ITPR2: variants seen among roughly 807,000 people sequenced by gnomAD.
ITPR2 encodes inositol 1,4,5-trisphosphate receptor type 2.
In ITPR2, 207 loss-of-function variants were observed where a neutral mutation model predicts 317.1. The observed-to-expected ratio is 0.65, with a 90% CI of 0.58 to 0.73. ITPR2 has a LOEUF of 0.73. Among genes scored for constraint, ITPR2 ranks in the 30% least tolerant of loss-of-function variants. The pLI is 0.00. For missense variants in ITPR2, 2,613 were observed against 3,284.0 expected (o/e 0.80, Z 4.99); for synonymous variants, 1,156 against 1,149.1 (o/e 1.01, Z -0.12).
chr12:26,490,768 G>A (rs562717044), intron 39 of ITPR2, among the ~76,000 whole-genome samples: 69 of 152,278 alleles, frequency 4.5e-4, no homozygotes, highest in Non-Finnish European at 8.7e-4. Context: ...AGCCGCTATC[G>A]CGCCATTGCA....
chr12:26,775,462 A>G (rs745438795), intron 2 of ITPR2, among the ~76,000 whole-genome samples: 9 of 152,202 alleles, frequency 5.9e-5, no homozygotes, highest in Non-Finnish European at 1.2e-4. Context: ...CAGAATCCAG[A>G]GATGCAAATG....
At chr12:26,575,138 G>A (rs985123522) in intron 34 of ITPR2, among the ~76,000 whole-genome samples, 6 of 148,698 alleles carry the variant, frequency 4.0e-5, no homozygotes, top group African/African-American at 1.0e-4. Context: ...ATGCTGAGGA[G>A]TGGCAATGGT....
chr12:26,815,287 G>A (rs1397983798), intron 1 of ITPR2, among the ~76,000 whole-genome samples: 4 of 152,062 alleles, frequency 2.6e-5, no homozygotes, highest in African/African-American at 9.7e-5. Flanking sequence ...AGCCAAGATT[G>A]TGCCACTGCA....
chr12:26,669,772 G>A (rs1277133562), intron 13 of ITPR2, among the ~76,000 whole-genome samples: 1 of 152,274 alleles, frequency 6.6e-6, no homozygotes, highest in Non-Finnish European at 1.5e-5. Flanking sequence ...AGCGCAAGGG[G>A]TCAGGGAGTT....
chr12:26,787,993 C>T (rs1300537441), intron 2 of ITPR2, among the ~76,000 whole-genome samples: 12 of 145,630 alleles, frequency 8.2e-5, no homozygotes, highest in East Asian at 2.0e-4. Context: ...GGCGCGATCT[C>T]GGCTCACTGC....
chr12:26,789,009 C>T (rs1381407710), intron 2 of ITPR2, among the ~76,000 whole-genome samples: 1 of 152,196 alleles, frequency 6.6e-6, no homozygotes, highest in Non-Finnish European at 1.5e-5. Context: ...TAGCTTCATT[C>T]TAAGTCCATC....
At chr12:26,564,875 T>G (rs1944907363) in intron 34 of ITPR2, among the ~76,000 whole-genome samples, 1 of 152,206 alleles carries the variant, frequency 6.6e-6, no homozygotes, top group Non-Finnish European at 1.5e-5. Context: ...AGCTACACAG[T>G]TATGCTAATT....
chr12:26,777,018 T>C (rs1263245018), intron 2 of ITPR2, among the ~76,000 whole-genome samples: 1 of 152,210 alleles, frequency 6.6e-6, no homozygotes, highest in East Asian at 1.9e-4. Flanking sequence ...TATGGAATAA[T>C]GGTGGAAGGA....
chr12:26,660,481 G>A (rs1232155317), intron 15 of ITPR2, among the ~76,000 whole-genome samples: 1 of 152,158 alleles, frequency 6.6e-6, no homozygotes, highest in African/African-American at 2.4e-5. Flanking sequence ...GATTCTCCCT[G>A]GAAATGTGTC....
Position 26,589,812 on chromosome 12 carries a change from ATAAATAAATAAATAAATAAAC to A in ITPR2, c.4380+5632_4380+5652del, listed in dbSNP as rs1565624181. ...AAAAAAAAAAATAAATAAATAAAAAATAAATAAATAAATAAATAAACATATATATATATATATATATACACA... is the reference window on the plus strand; with the variant it reads ...AAAAAAAAAAATAAATAAATAAAAAAATATATATATATATATATATACACA... On this transcript the variant is annotated intron_variant, in intron 32 of 56. Coordinates refer to ENST00000381340, the MANE Select transcript of ITPR2 (RefSeq NM_002223.4). Among the ~76,000 whole-genome samples, 418 of 46,252 alleles carry A rather than the reference ATAAATAAATAAATAAATAAAC, an allele frequency of 9.0e-3. 32 individuals are homozygous for A. Among genetic ancestry groups the A allele is most frequent in the Middle Eastern group, 0.026 (2 of 76 alleles). 30.3% of individuals were successfully genotyped at this position (46,252 alleles called of 152,430 possible). A position where few individuals can be genotyped will look rare whatever the true frequency, so the allele number is the denominator to read the frequency against.
rs1234527841 is a variant in ITPR2, at chr12:26,340,197, C to G, written c.7989G>C (p.Leu2663=). Reference sequence around the variant, plus strand: ...CCTTGAGCTCCGCCAGCTGACCCGACAGCTGTTTGACCAGACTCATGGTCG... The same window carrying G: ...CCTTGAGCTCCGCCAGCTGACCCGAGAGCTGTTTGACCAGACTCATGGTCG... ...LESTMSLVKQ[L]SGQLAELKEQ... is the part of the protein sequence containing the mutation. Residue 2663 remains leucine (L), a synonymous_variant, in exon 56 of 57, where the codon CTG becomes CTC. Coordinates refer to ENST00000381340, the MANE Select transcript of ITPR2 (RefSeq NM_002223.4). 1 of 1,607,756 alleles carries G rather than the reference C, an allele frequency of 6.2e-7. No homozygotes were observed. The highest frequency in any genetic ancestry group is 1.3e-5 in the African/African-American group (1 of 74,756).
intron 4 of ITPR2, among the ~76,000 whole-genome samples, chr12:26,723,583 G>A (rs960622934): frequency 1.3e-5 from 2 of 152,144 alleles, no homozygotes; most frequent in African/African-American, 4.8e-5. Context: ...TCCATCATTC[G>A]ATTAAGTCAT....
rs1305768106 is a variant in ITPR2, at chr12:26,337,431, T to G, written c.*1966A>C. The G allele has an allele frequency of 6.6e-6, 1 of 152,230 alleles. No individual in the cohort carries two copies. Among genetic ancestry groups the G allele is most frequent in the Non-Finnish European group, 1.5e-5 (1 of 68,028 alleles). 9.4% of individuals were successfully genotyped at this position (152,230 alleles called of 1,614,324 possible). A position where few individuals can be genotyped will look rare whatever the true frequency, so the allele number is the denominator to read the frequency against. ...TATTCTCTATCCATAAAACTCTGCC[T>G]GATTAAAATATTTTAAAGTGTACTT... On this transcript the variant is annotated 3_prime_UTR_variant, in exon 57 of 57. Coordinates refer to ENST00000381340, the MANE Select transcript of ITPR2 (RefSeq NM_002223.4).
At chr12:26,478,325 C>A (rs1051478346) in intron 43 of ITPR2, among the ~76,000 whole-genome samples, 2 of 151,796 alleles carry the variant, frequency 1.3e-5, no homozygotes, top group African/African-American at 4.8e-5. Flanking sequence ...TTTTTGCGGA[C>A]TTGAACCAAT....
chr12:26,709,286 T>A (rs942735370), intron 9 of ITPR2, among the ~76,000 whole-genome samples: 2 of 152,180 alleles, frequency 1.3e-5, no homozygotes, highest in African/African-American at 4.8e-5. Flanking sequence ...ATACTTAATT[T>A]TCCTCCTCCC....
At position 26,418,807 on chromosome 12, in the gene ITPR2, A is replaced by T. The variant is rs547959729; in HGVS notation, c.7110+242T>A. 1.7e-4 allele frequency among the ~76,000 whole-genome samples: 26 copies of T among 152,290 alleles called. No individual in the cohort carries two copies. In the East Asian group the frequency reaches 2.5e-3, roughly 15 times the overall value. ...CTTGTCATGTGAAGCCTGGGTCAAG[A>T]GGTGGGGTGACTGGTTGCTTCTCAA... On this transcript the variant is annotated intron_variant, in intron 50 of 56. Coordinates refer to ENST00000381340, the MANE Select transcript of ITPR2 (RefSeq NM_002223.4).
At chr12:26,594,124 A>AAATGC (rs1565627322) in intron 32 of ITPR2, among the ~76,000 whole-genome samples, 8 of 152,190 alleles carry the variant, frequency 5.3e-5, no homozygotes, top group African/African-American at 1.9e-4. Flanking sequence ...TATGAGTACT[A>AAATGC]TGTTAAATGC....
At chr12:26,432,967 C>A (rs1366597682) in intron 48 of ITPR2, among the ~76,000 whole-genome samples, 1 of 152,188 alleles carries the variant, frequency 6.6e-6, no homozygotes, top group Admixed American at 6.5e-5. Flanking sequence ...AATCCAGCAT[C>A]AGAGAACCTT....
intron 34 of ITPR2, among the ~76,000 whole-genome samples, chr12:26,574,416 A>G (rs1945229966): frequency 6.6e-6 from 1 of 152,198 alleles, no homozygotes; most frequent in Admixed American, 6.5e-5. Context: ...ACCAGCGTCC[A>G]AAAACAACCA....
Sources: gnomAD v4.1 joint callset for allele counts (sites outside exome capture counted in the v4.1 genomes callset) on GRCh38, gnomAD v4.1.1 for gene constraint, MANE v1.5 for transcripts, NCBI Gene and HGNC (gene_info 2026-07-23, HGNC 2026-07-21) for gene names.